Variants in AMZ2 observed in about 807,000 individuals in gnomAD.
AMZ2 encodes the protein archaelysin family metallopeptidase 2, also known as archaemetzincin-2.
In AMZ2, 26 loss-of-function variants were observed where a neutral mutation model predicts 36.7. That is an observed-to-expected ratio of 0.71 (90% confidence interval 0.52 to 0.98). The LOEUF (loss-of-function observed/expected upper bound fraction) is 0.98. Among genes scored for constraint, AMZ2 ranks in the 50% least tolerant of loss-of-function variants. The probability of loss-of-function intolerance (pLI) is 0.00; values close to 1 mark genes in which losing one functional copy is unlikely to be tolerated. For missense variants in AMZ2, 394 were observed against 430.5 expected (o/e 0.92, Z 0.75); for synonymous variants, 144 against 149.1 (o/e 0.97, Z 0.25).
At chr17:68,247,444 G>A (rs1231793585), upstream of AMZ2, 5 of 168,912 alleles carry the variant, frequency 3.0e-5, no homozygotes, top group Non-Finnish European at 4.8e-5. Context: ...CCCTAATGCC[G>A]GCCCCGCGGT....
At chr17:68,220,788 T>A in intron 1 of AMZ2, among the ~76,000 whole-genome samples, 2 of 150,084 alleles carry the variant, frequency 1.3e-5, no homozygotes, top group East Asian at 2.0e-4. Context: ...TTCTCTTTTT[T>A]TTTTTTTTTT....
rs187846197 is a variant in AMZ2, at chr17:68,252,049, C to T, written c.586+871C>T. Among the ~76,000 whole-genome samples the T allele has an allele frequency of 1.2e-3, 177 of 150,636 alleles. 1 individual carries two copies. Among genetic ancestry groups the T allele is most frequent in the Non-Finnish European group, 1.6e-3 (109 of 67,762 alleles). On this transcript the variant is annotated intron_variant, in intron 4 of 6. Transcript: ENST00000359904. Reference sequence around the variant, plus strand: ...TTTTTTTTTTGTCATCTCTCTACTTCTCCCCTCCCCTTAATTATTGTTCTT... The same window carrying T: ...TTTTTTTTTTGTCATCTCTCTACTTTTCCCCTCCCCTTAATTATTGTTCTT...
chr17:68,209,793 G>GT (rs141647453), intron 1 of AMZ2, among the ~76,000 whole-genome samples: 11,282 of 150,926 alleles, frequency 0.075, 800 homozygotes, highest in African/African-American at 0.19. Context: ...GCTAAGTTTT[G>GT]TATGTTTAGT....
At chr17:68,210,959 G>GT (rs2073027565) in intron 1 of AMZ2, among the ~76,000 whole-genome samples, 1 of 61,574 alleles carries the variant, frequency 1.6e-5, no homozygotes, top group Non-Finnish European at 3.4e-5. Flanking sequence ...AAAAAAAAAG[G>GT]GGGGGGGGGA....
At chr17:68,216,266 T>A (rs2073190611) in intron 1 of AMZ2, among the ~76,000 whole-genome samples, 1 of 152,168 alleles carries the variant, frequency 6.6e-6, no homozygotes, top group African/African-American at 2.4e-5. Context: ...CCCTAGGAGC[T>A]GGGACTACAG....
intron 1 of AMZ2, 94 bp from the exon 2 acceptor site, chr17:68,250,094 C>T (rs1955698450): frequency 7.4e-7 from 1 of 1,351,264 alleles, no homozygotes. Flanking sequence ...TCATTTCACT[C>T]TAGGGAGAAA....
intron 1 of AMZ2, among the ~76,000 whole-genome samples, chr17:68,233,508 CAAA>C (rs35601824): frequency 3.8e-5 from 3 of 78,478 alleles, no homozygotes; most frequent in African/African-American, 5.1e-5. Flanking sequence ...AACTATGTCT[CAAA>C]AAAAAAAAAA....
intron 1 of AMZ2, among the ~76,000 whole-genome samples, chr17:68,211,690 GTA>G (rs1178227889): frequency 1.6e-5 from 2 of 124,164 alleles, no homozygotes; most frequent in Non-Finnish European, 3.8e-5. Flanking sequence ...ATATGTATAT[GTA>G]TATATATGTA....
intron 1 of AMZ2, among the ~76,000 whole-genome samples, chr17:68,214,810 C>T (rs1481600562): frequency 2.0e-5 from 3 of 149,026 alleles, no homozygotes; most frequent in Non-Finnish European, 4.4e-5. Flanking sequence ...TTGACAGGGT[C>T]TCACTTTGTC....
intron 1 of AMZ2, among the ~76,000 whole-genome samples, chr17:68,217,592 G>C (rs1555727598): frequency 6.6e-6 from 1 of 152,140 alleles, no homozygotes; most frequent in African/African-American, 2.4e-5. Flanking sequence ...TGAGATTAAA[G>C]TAATTTCAGT....
chr17:68,208,325 G>T (rs1377077239), intron 1 of AMZ2, among the ~76,000 whole-genome samples: 1 of 152,210 alleles, frequency 6.6e-6, no homozygotes, highest in African/African-American at 2.4e-5. Context: ...CTAAGGGATT[G>T]TAAATACACC....
Position 68,252,713 on chromosome 17 carries a change from G to A in AMZ2, c.586+1535G>A, listed in dbSNP as rs546072355. Among the ~76,000 whole-genome samples the A allele has an allele frequency of 2.6e-5, 4 of 151,938 alleles. No homozygotes were observed. The South Asian group carries it at 6.2e-4, about 24-fold the overall frequency. ...CAGATGGGATTTTTTTTGGCCAGAT[G>A]GGATCTCCCTGTGTTGGTCAAGCTC... On this transcript the variant is annotated intron_variant, in intron 4 of 6. Transcript: ENST00000359904.
chr17:68,214,945 G>A (rs1319764801), intron 1 of AMZ2, among the ~76,000 whole-genome samples: 1 of 151,244 alleles, frequency 6.6e-6, no homozygotes, highest in Non-Finnish European at 1.5e-5. Flanking sequence ...CACCACGCCC[G>A]GCTAATTTTT....
chr17:68,236,829 C>T (rs1178094748), intron 1 of AMZ2, among the ~76,000 whole-genome samples: 5 of 152,140 alleles, frequency 3.3e-5, no homozygotes. Flanking sequence ...ATCCACCCAC[C>T]TTGGCCTCCC....
chr17:68,255,983 T>C, intron 6 of AMZ2, 107 bp downstream of exon 6: 1 of 1,213,536 alleles, frequency 8.2e-7, no homozygotes, highest in East Asian at 2.5e-5. Flanking sequence ...CAGAGGAAAT[T>C]AGTGTAAAGA....
chr17:68,254,440 A>C lies in AMZ2; in HGVS notation c.623A>C (p.Asp208Ala). 2 of 1,613,256 alleles carry C rather than the reference A, an allele frequency of 1.2e-6. No individual in the cohort carries two copies. The highest frequency in any genetic ancestry group is 1.7e-6 in the Non-Finnish European group (2 of 1,179,946). The change falls in exon 5 of 7, where the codon GAT (aspartate) becomes GCT (alanine). Residue 208 changes from aspartate to alanine, a missense_variant. Coordinates refer to ENST00000359904, the MANE Select transcript of AMZ2 (RefSeq NM_016627.5). The stretch of plus-strand genomic sequence containing the variant: ...TTCAGCTTTGCCAGGTATGGCAGTG[A>C]TTTTTATAGCATGCACTATAAAGGC... ...GIFSFARYGS[D>A]FYSMHYKGKV... is the part of the protein sequence containing the mutation.
intron 1 of AMZ2, chr17:68,206,249 A>T: frequency 7.7e-7 from 1 of 1,299,578 alleles, no homozygotes; most frequent in Non-Finnish European, 9.8e-7. Flanking sequence ...GTACCCACCC[A>T]GCCCAGTTGC....
In AMZ2 at chr17:68,256,804, G is replaced by A; in HGVS notation, c.928-10G>A. On this transcript the variant is annotated splice_polypyrimidine_tract_variant and intron_variant, in intron 6 of 6. Transcript: ENST00000359904. ...GTTTGTTGAAGTGCGCATCTTTCAT[G>A]TTTTTCCAGGCACTGGTGAGGTGGA... The A allele has an allele frequency of 5.0e-6, 8 of 1,608,908 alleles. No individual in the cohort carries two copies. The highest frequency in any genetic ancestry group is 6.8e-6 in the Non-Finnish European group (8 of 1,177,764).
At chr17:68,237,540 C>G (rs1322794222) in intron 1 of AMZ2, among the ~76,000 whole-genome samples, 1 of 152,218 alleles carries the variant, frequency 6.6e-6, no homozygotes, top group Non-Finnish European at 1.5e-5. Context: ...AGCCCCGTGC[C>G]TAAGTTAGCA....
Sources: allele counts gnomAD v4.1 joint callset (sites outside exome capture counted in the v4.1 genomes callset), GRCh38; gene constraint gnomAD v4.1.1; transcripts MANE v1.5; gene names NCBI Gene and HGNC (gene_info 2026-07-23, HGNC 2026-07-21).